COMMD1: variants seen among roughly 807,000 people sequenced by gnomAD.
COMMD1 encodes copper metabolism domain containing 1.
Under a neutral mutation model 17.2 loss-of-function variants are expected in COMMD1, and 10 were observed. That is an observed-to-expected ratio of 0.58 (90% CI 0.36 to 0.99). The LOEUF is 0.99. COMMD1 is among the 50% of genes least tolerant of loss of function. The probability of loss-of-function intolerance (pLI) is 0.01; values close to 1 mark genes in which losing one functional copy is unlikely to be tolerated. For missense variants in COMMD1, 270 were observed against 231.8 expected, an observed-to-expected ratio of 1.17 and a Z score of -1.07; for synonymous variants, 97 against 91.6, an observed-to-expected ratio of 1.06 and a Z score of -0.34.
At chr2:62,059,840 A>C (rs1330056726) in intron 2 of COMMD1, among the ~76,000 whole-genome samples, 1 of 152,048 alleles carries the variant, frequency 6.6e-6, no homozygotes, top group Non-Finnish European at 1.5e-5. Context: ...TGCTTACTCC[A>C]TTTGTGTTTA....
chr2:61,910,560 T>C (rs1312735686), intron 1 of COMMD1, among the ~76,000 whole-genome samples: 1 of 152,142 alleles, frequency 6.6e-6, no homozygotes, highest in African/African-American at 2.4e-5. Flanking sequence ...CACTGCTATT[T>C]TAATCTACTT....
intron 2 of COMMD1, among the ~76,000 whole-genome samples, chr2:62,122,969 G>T (rs919435728): frequency 3.3e-5 from 5 of 152,206 alleles, no homozygotes; most frequent in Admixed American, 3.3e-4. Context: ...TGTAAATTCA[G>T]ACTTTGGTTT....
intron 1 of COMMD1, among the ~76,000 whole-genome samples, chr2:61,907,056 G>C (rs1452117760): frequency 3.3e-5 from 5 of 152,172 alleles, no homozygotes; most frequent in African/African-American, 9.7e-5. Flanking sequence ...GACATTCTAA[G>C]TAATCTTAGT....
intron 2 of COMMD1, among the ~76,000 whole-genome samples, chr2:62,048,103 G>A (rs1209747793): frequency 6.6e-6 from 1 of 151,974 alleles, no homozygotes; most frequent in Non-Finnish European, 1.5e-5. Context: ...GAGAGTCTTG[G>A]AGTCACCATC....
At chr2:61,972,514 G>A (rs1671677489) in intron 1 of COMMD1, among the ~76,000 whole-genome samples, 1 of 152,182 alleles carries the variant, frequency 6.6e-6, no homozygotes, top group Admixed American at 6.5e-5. Flanking sequence ...TTTTACAGCA[G>A]AGAAACCTGA....
At chr2:62,041,945 C>T (rs979625659) in intron 2 of COMMD1, among the ~76,000 whole-genome samples, 9 of 152,214 alleles carry the variant, frequency 5.9e-5, no homozygotes, top group African/African-American at 1.2e-4. Context: ...ACTAAGCTTC[C>T]ACACTGTGGA....
chr2:62,059,674 C>A (rs2103936331), intron 2 of COMMD1, among the ~76,000 whole-genome samples: 1 of 152,254 alleles, frequency 6.6e-6, no homozygotes, highest in South Asian at 2.1e-4. Flanking sequence ...CTCAAGAGAG[C>A]TTCCTGCCTC....
chr2:61,912,733 CAA>C (rs149353922), intron 1 of COMMD1, among the ~76,000 whole-genome samples: 5 of 70,694 alleles, frequency 7.1e-5, no homozygotes, highest in Non-Finnish European at 8.7e-5. Context: ...GACTCCATCT[CAA>C]AAAAAAAAAA....
intron 2 of COMMD1, among the ~76,000 whole-genome samples, chr2:62,102,068 C>T (rs982335504): frequency 3.9e-5 from 6 of 152,250 alleles, no homozygotes; most frequent in East Asian, 3.9e-4. Context: ...ATCTCATTAG[C>T]GTACAAAAGA....
chr2:61,895,035 G>C (rs1669525190), intron 1 of COMMD1, among the ~76,000 whole-genome samples: 1 of 152,158 alleles, frequency 6.6e-6, no homozygotes, highest in Non-Finnish European at 1.5e-5. Context: ...GATGCAATCA[G>C]TAAAATGTAG....
chr2:61,946,626 A>G (rs1258241885), intron 1 of COMMD1, among the ~76,000 whole-genome samples: 1 of 152,156 alleles, frequency 6.6e-6, no homozygotes, highest in African/African-American at 2.4e-5. Context: ...CACTATTACT[A>G]TTTACTACAC....
intron 1 of COMMD1, among the ~76,000 whole-genome samples, chr2:61,943,307 A>G (rs370194773): frequency 1.3e-5 from 2 of 152,260 alleles, no homozygotes; most frequent in African/African-American, 4.8e-5. Context: ...CATGAAACCA[A>G]ACAGGGTGCC....
At chr2:61,991,778 G>A (rs1319512612) in intron 1 of COMMD1, among the ~76,000 whole-genome samples, 10 of 152,212 alleles carry the variant, frequency 6.6e-5, no homozygotes, top group African/African-American at 2.4e-4. Context: ...AGTGCTGTTT[G>A]AGTGTCAAGT....
intron 1 of COMMD1, among the ~76,000 whole-genome samples, chr2:61,969,742 G>C (rs897882309): frequency 6.6e-6 from 1 of 152,066 alleles, no homozygotes; most frequent in African/African-American, 2.4e-5. Context: ...CTTAATTACT[G>C]GTTCCCATTA....
At chr2:62,032,432 A>C (rs1306157498) in intron 2 of COMMD1, among the ~76,000 whole-genome samples, 1 of 152,186 alleles carries the variant, frequency 6.6e-6, no homozygotes, top group African/African-American at 2.4e-5. Flanking sequence ...GCTACAGAGG[A>C]GGCTCGGGTG....
At chr2:62,087,827 G>A (rs1398250909) in intron 2 of COMMD1, among the ~76,000 whole-genome samples, 3 of 152,168 alleles carry the variant, frequency 2.0e-5, no homozygotes, top group Non-Finnish European at 4.4e-5. Context: ...TATGTTAGTA[G>A]GGAGATAATA....
intron 2 of COMMD1, among the ~76,000 whole-genome samples, chr2:62,121,802 T>C (rs1263129454): frequency 6.6e-6 from 1 of 152,096 alleles, no homozygotes; most frequent in Non-Finnish European, 1.5e-5. Context: ...TGTTTATTTA[T>C]TTATTTTGAG....
At chr2:62,005,479 A>C (rs565922890) in intron 2 of COMMD1, among the ~76,000 whole-genome samples, 1 of 152,230 alleles carries the variant, frequency 6.6e-6, no homozygotes, top group Non-Finnish European at 1.5e-5. Context: ...AGAATCTACA[A>C]TGAACTCAAA....
intron 2 of COMMD1, among the ~76,000 whole-genome samples, chr2:62,058,248 T>C (rs1478444716): frequency 6.6e-6 from 1 of 152,258 alleles, no homozygotes; most frequent in African/African-American, 2.4e-5. Context: ...AATAGTGCTG[T>C]TCACATGATC....
Sources: gnomAD v4.1 joint callset for allele counts (sites outside exome capture counted in the v4.1 genomes callset) on GRCh38, gnomAD v4.1.1 for gene constraint, MANE v1.5 for transcripts, NCBI Gene and HGNC (gene_info 2026-07-23, HGNC 2026-07-21) for gene names.